The following GNAQ variants were observed in gnomAD, a reference collection of about 807,000 sequenced individuals.
GNAQ encodes the protein guanine nucleotide-binding protein G(q) subunit alpha.
GNAQ carries 8 observed loss-of-function variants against 43.9 expected under a neutral mutation model. The ratio of observed to expected loss-of-function variants is 0.18; its 90% confidence interval spans 0.11 to 0.33. The LOEUF (loss-of-function observed/expected upper bound fraction) is 0.33, where lower values mean the gene tolerates loss of function less well. GNAQ is among the 10% of genes least tolerant of loss of function. The probability of loss-of-function intolerance (pLI) is 1.00; values close to 1 mark genes in which losing one functional copy is unlikely to be tolerated. For synonymous variants in GNAQ, 155 were observed against 170.7 expected, an observed-to-expected ratio of 0.91 and a Z score of 0.71; for missense variants, 158 against 450.8, an observed-to-expected ratio of 0.35 and a Z score of 5.88.
At chr9:77,988,514 G>A (rs1258095808) in intron 1 of GNAQ, among the ~76,000 whole-genome samples, 3 of 152,200 alleles carry the variant, frequency 2.0e-5, no homozygotes, top group African/African-American at 7.2e-5. Flanking sequence ...AAGTATTATC[G>A]AAAACAGGAT....
At chr9:77,821,111 T>A (rs75436093) in intron 2 of GNAQ, among the ~76,000 whole-genome samples, 1,594 of 152,318 alleles carry the variant, frequency 0.01, 28 homozygotes, top group Middle Eastern at 0.031. Flanking sequence ...CTGCCACATA[T>A]CCTTTCATTA....
In GNAQ at chr9:78,007,746, T is replaced by C. The variant is rs990380853; in HGVS notation, c.136+23354A>G. 4.6e-5 allele frequency among the ~76,000 whole-genome samples: 7 copies of C among 152,214 alleles called. No homozygotes were observed. In the East Asian group the frequency reaches 7.7e-4, roughly 17 times the overall value. ...GGGATACTTCTCCATCCAATCCCTA[T>C]CTTGTGAGATCCCACACATCTGGGA... On this transcript the variant is annotated intron_variant, in intron 1 of 6. Transcript: ENST00000286548.
intron 2 of GNAQ, 118 bp from the exon 3 acceptor site, chr9:77,815,888 C>T: frequency 1.7e-6 from 1 of 582,642 alleles, no homozygotes. Flanking sequence ...GGTCTTTACA[C>T]TGGTTTACAA....
intron 1 of GNAQ, among the ~76,000 whole-genome samples, chr9:77,952,414 T>C (rs546824322): frequency 2.6e-5 from 4 of 152,328 alleles, no homozygotes; most frequent in Admixed American, 1.3e-4. Context: ...CACTTCTATC[T>C]TCCAACTTTT....
chr9:77,920,905 C>T (rs1041726455), intron 2 of GNAQ, among the ~76,000 whole-genome samples: 2 of 152,196 alleles, frequency 1.3e-5, no homozygotes, highest in African/African-American at 4.8e-5. Context: ...GGGATGGTAA[C>T]AGAGGCAAAG....
chr9:77,969,500 C>G (rs1457445628), intron 1 of GNAQ, among the ~76,000 whole-genome samples: 1 of 152,058 alleles, frequency 6.6e-6, no homozygotes, highest in Admixed American at 6.6e-5. Flanking sequence ...AACTTAGAAA[C>G]AAAAAGTCAT....
chr9:77,959,317 A>G (rs1823079419), intron 1 of GNAQ, among the ~76,000 whole-genome samples: 1 of 152,202 alleles, frequency 6.6e-6, no homozygotes, highest in Non-Finnish European at 1.5e-5. Context: ...ATTTTAATCC[A>G]AAGAATCATT....
At position 78,018,090 on chromosome 9, in the gene GNAQ, T is replaced by C. The variant is rs551469391; in HGVS notation, c.136+13010A>G. ...GAATCTATTCTAACAAAATTATGTG[T>C]GTGCATGTTTTAAAAAGCTATCTCC... On this transcript the variant is annotated intron_variant, in intron 1 of 6. Transcript: ENST00000286548. Among the ~76,000 whole-genome samples, 48 of 151,984 alleles carry C rather than the reference T, an allele frequency of 3.2e-4. 2 individuals are homozygous for C. The highest frequency in any genetic ancestry group is 3.4e-3 in the Middle Eastern group (1 of 294).
intron 2 of GNAQ, among the ~76,000 whole-genome samples, chr9:77,919,074 C>T (rs1450064252): frequency 1.3e-5 from 2 of 152,098 alleles, no homozygotes; most frequent in Admixed American, 1.3e-4. Context: ...CATGTGCCAC[C>T]ACGCCTGGCT....
chr9:78,018,467 T>TA (rs1454757049), intron 1 of GNAQ, among the ~76,000 whole-genome samples: 13 of 152,198 alleles, frequency 8.5e-5, no homozygotes, highest in Admixed American at 2.6e-4. Context: ...GCATTATTTG[T>TA]AAAATTTCAA....
Position 77,755,937 on chromosome 9 carries a change from T to C in GNAQ, c.736-27270A>G, listed in dbSNP as rs576419901. On this transcript the variant is annotated intron_variant, in intron 5 of 6. Coordinates refer to ENST00000286548, the MANE Select transcript of GNAQ (RefSeq NM_002072.5). ...TGGTGTTGCCAAAGGAGATGAACATTTGAGTCAGCGGAACGGGAAAGGCAG... is the reference window on the plus strand; with the variant it reads ...TGGTGTTGCCAAAGGAGATGAACATCTGAGTCAGCGGAACGGGAAAGGCAG... Among the ~76,000 whole-genome samples the C allele has an allele frequency of 2.6e-5, 4 of 152,240 alleles. No individual in the cohort carries two copies. In the South Asian group the frequency reaches 8.3e-4, roughly 32 times the overall value.
At chr9:77,994,231 G>T (rs1823542258) in intron 1 of GNAQ, among the ~76,000 whole-genome samples, 1 of 152,292 alleles carries the variant, frequency 6.6e-6, no homozygotes, top group Middle Eastern at 3.4e-3. Context: ...TGGAGATGGG[G>T]TGTCACTATG....
chr9:77,815,206 G>A (rs1208344560), intron 3 of GNAQ, among the ~76,000 whole-genome samples: 1 of 152,098 alleles, frequency 6.6e-6, no homozygotes, highest in African/African-American at 2.4e-5. Context: ...CATATTTTTT[G>A]TTTGCAGTTT....
At chr9:77,762,174 GC>G (rs1269197024) in intron 5 of GNAQ, among the ~76,000 whole-genome samples, 2 of 132,976 alleles carry the variant, frequency 1.5e-5, no homozygotes, top group Admixed American at 1.4e-4. Context: ...GGTGAGGGGC[GC>G]CTCTGCCCGG....
intron 1 of GNAQ, among the ~76,000 whole-genome samples, chr9:77,943,460 T>C (rs1800726678): frequency 6.6e-6 from 1 of 152,120 alleles, no homozygotes; most frequent in South Asian, 2.1e-4. Context: ...CTTTCAGTAG[T>C]CACAGGAATA....
chr9:77,974,022 T>C (rs1277682943), intron 1 of GNAQ, among the ~76,000 whole-genome samples: 1 of 152,216 alleles, frequency 6.6e-6, no homozygotes, highest in Non-Finnish European at 1.5e-5. Flanking sequence ...TTAGCTGTTA[T>C]ATTTGCATCT....
intron 2 of GNAQ, among the ~76,000 whole-genome samples, chr9:77,885,191 C>G (rs971432979): frequency 6.6e-6 from 1 of 152,066 alleles, no homozygotes; most frequent in Non-Finnish European, 1.5e-5. Context: ...AAGTTGTGGT[C>G]TTTTTTGGAA....
chr9:77,854,511 G>T (rs1377725880), intron 2 of GNAQ, among the ~76,000 whole-genome samples: 3 of 152,162 alleles, frequency 2.0e-5, no homozygotes, highest in Admixed American at 2.0e-4. Flanking sequence ...ATTGCTTCAG[G>T]TTTGGTCTGT....
Position 77,977,844 on chromosome 9 carries a change from G to C in GNAQ, c.136+53256C>G, listed in dbSNP as rs563094847. Among the ~76,000 whole-genome samples the C allele has an allele frequency of 1.3e-4, 20 of 152,254 alleles. No homozygotes were observed. The South Asian group carries it at 3.7e-3, about 28-fold the overall frequency. On this transcript the variant is annotated intron_variant, in intron 1 of 6. Coordinates refer to ENST00000286548, the MANE Select transcript of GNAQ (RefSeq NM_002072.5). ...CATGAAACCAGTTGAATACCTGAATGGGATCATGGGTGTAGTTATCTGTCA... is the reference window on the plus strand; with the variant it reads ...CATGAAACCAGTTGAATACCTGAATCGGATCATGGGTGTAGTTATCTGTCA...
Sources: allele counts gnomAD v4.1 joint callset (sites outside exome capture counted in the v4.1 genomes callset), GRCh38; gene constraint gnomAD v4.1.1; transcripts MANE v1.5; gene names NCBI Gene and HGNC (gene_info 2026-07-23, HGNC 2026-07-21).